Variants in AFG1L observed in about 807,000 individuals in gnomAD.
The protein encoded by AFG1L is AFG1-like ATPase.
In AFG1L, 53 loss-of-function variants were observed where a neutral mutation model predicts 62.2. The observed-to-expected ratio is 0.85, with a 90% confidence interval of 0.68 to 1.07. The LOEUF (loss-of-function observed/expected upper bound fraction) is 1.07, where lower values mean the gene tolerates loss of function less well. Ranked by LOEUF, AFG1L falls within the 50% of genes least tolerant of loss-of-function variation. The probability of loss-of-function intolerance (pLI) is 0.00; values close to 1 mark genes in which losing one functional copy is unlikely to be tolerated. For synonymous variants in AFG1L, 228 were observed against 210.3 expected (o/e 1.08, Z -0.73); for missense variants, 555 against 590.5 (o/e 0.94, Z 0.62).
intron 1 of AFG1L, among the ~76,000 whole-genome samples, chr6:108,321,469 T>G (rs1777810126): frequency 6.6e-6 from 1 of 152,182 alleles, no homozygotes; most frequent in South Asian, 2.1e-4. Flanking sequence ...GTTCCAACCT[T>G]CTACCCACTT....
intron 1 of AFG1L, among the ~76,000 whole-genome samples, chr6:108,300,024 T>C (rs1776917940): frequency 6.6e-6 from 1 of 152,230 alleles, no homozygotes; most frequent in Admixed American, 6.5e-5. Context: ...GATCACATCT[T>C]ATGATTTCTT....
At chr6:108,384,981 A>T (rs552520080) in intron 6 of AFG1L, among the ~76,000 whole-genome samples, 5 of 152,306 alleles carry the variant, frequency 3.3e-5, no homozygotes, top group African/African-American at 9.6e-5. Context: ...ATCCCAGAAG[A>T]CAAAGAGGAG....
At chr6:108,513,389 C>A (rs1774743266) in intron 11 of AFG1L, among the ~76,000 whole-genome samples, 1 of 152,164 alleles carries the variant, frequency 6.6e-6, no homozygotes, top group Non-Finnish European at 1.5e-5. Context: ...ACAGATGGCA[C>A]CTGGAAAATC....
intron 6 of AFG1L, among the ~76,000 whole-genome samples, chr6:108,389,715 C>T (rs1328222506): frequency 7.2e-5 from 11 of 152,162 alleles, no homozygotes; most frequent in Admixed American, 2.0e-4. Context: ...CCCCACTCTC[C>T]TCTGGCTTGT....
intron 10 of AFG1L, among the ~76,000 whole-genome samples, chr6:108,505,929 G>A (rs1415649024): frequency 6.6e-6 from 1 of 152,216 alleles, no homozygotes; most frequent in Non-Finnish European, 1.5e-5. Flanking sequence ...AGATGTACTT[G>A]ATATTGTCTG....
rs1015901484 is a variant in AFG1L, at chr6:108,295,146, T to C, written c.67T>C (p.Cys23Arg). 9 of 1,610,302 alleles carry C rather than the reference T, an allele frequency of 5.6e-6. No homozygotes were observed. Among genetic ancestry groups the C allele is most frequent in the Non-Finnish European group, 7.6e-6 (9 of 1,179,916 alleles). ...PLAQSPLRGR[C>R]VGCGAWAAAL... ...AGCACAGAGCCCGCTGAGAGGGAGA[T>C]GTGTTGGGTGCGGGGCCTGGGCCGC... The change falls in exon 1 of 13, where the codon TGT becomes CGT. Residue 23 changes from cysteine (C) to arginine (R), a missense_variant. Coordinates refer to ENST00000368977, the MANE Select transcript of AFG1L (RefSeq NM_145315.5).
chr6:108,387,274 G>A (rs1280850062), intron 6 of AFG1L, among the ~76,000 whole-genome samples: 3 of 152,230 alleles, frequency 2.0e-5, no homozygotes, highest in African/African-American at 7.2e-5. Context: ...AGCTTCCCAG[G>A]GTGGCTTCCC....
At chr6:108,447,365 G>A in intron 8 of AFG1L, 69 bp downstream of exon 8, 1 of 954,024 alleles carries the variant, frequency 1.0e-6, no homozygotes, top group Admixed American at 2.1e-5. Context: ...AAAATAAGCA[G>A]TTTAATTATT....
intron 2 of AFG1L, among the ~76,000 whole-genome samples, chr6:108,335,246 C>T (rs572179379): frequency 6.7e-6 from 1 of 150,016 alleles, no homozygotes; most frequent in Non-Finnish European, 1.5e-5. Flanking sequence ...GTTGGGATTA[C>T]AGGTGTGAGC....
intron 2 of AFG1L, among the ~76,000 whole-genome samples, chr6:108,332,473 G>A (rs1778311119): frequency 6.6e-6 from 1 of 152,174 alleles, no homozygotes; most frequent in South Asian, 2.1e-4. Context: ...AATTAGCATG[G>A]GATCATTGGT....
intron 7 of AFG1L, among the ~76,000 whole-genome samples, chr6:108,423,164 G>A (rs887196187): frequency 6.6e-6 from 1 of 152,060 alleles, no homozygotes; most frequent in African/African-American, 2.4e-5. Context: ...GGTTAGAAAG[G>A]TTGATGAAGT....
chr6:108,353,102 T>G (rs573508102), intron 3 of AFG1L, among the ~76,000 whole-genome samples: 4 of 152,226 alleles, frequency 2.6e-5, no homozygotes, highest in African/African-American at 9.6e-5. Context: ...GGTTGTTTTG[T>G]GCATATACTC....
At chr6:108,435,900 GGTTT>G (rs1160051504) in intron 7 of AFG1L, among the ~76,000 whole-genome samples, 1 of 152,098 alleles carries the variant, frequency 6.6e-6, no homozygotes, top group African/African-American at 2.4e-5. Flanking sequence ...GTCTGCTAAT[GGTTT>G]GTTCAGTTAA....
chr6:108,472,066 T>C (rs1222945095), intron 8 of AFG1L, among the ~76,000 whole-genome samples: 1 of 152,212 alleles, frequency 6.6e-6, no homozygotes, highest in East Asian at 1.9e-4. Context: ...GAGGACATTA[T>C]ATTAAGTAAA....
rs1562457272 is a variant in AFG1L, at chr6:108,295,074, T to C, written c.-6T>C. 6.2e-7 allele frequency: 1 copy of C among 1,610,580 alleles called. No homozygotes were observed. The highest frequency in any genetic ancestry group is 8.5e-7 in the Non-Finnish European group (1 of 1,179,948). On this transcript the variant is annotated 5_prime_UTR_variant, in exon 1 of 13. Transcript: ENST00000368977. ...TTCCTCTTCCTCTCCTCGTACGGAG[T>C]TCAAGATGGCGGCCTCCTGGTCGCT... is the stretch of plus-strand genomic sequence containing the variant.
At chr6:108,314,274 A>G (rs1353158282) in intron 1 of AFG1L, among the ~76,000 whole-genome samples, 3 of 152,140 alleles carry the variant, frequency 2.0e-5, no homozygotes, top group Admixed American at 1.3e-4. Context: ...CACATACTAT[A>G]TAATTCACAC....
intron 1 of AFG1L, among the ~76,000 whole-genome samples, chr6:108,314,508 T>C (rs1218445949): frequency 1.3e-5 from 2 of 151,720 alleles, no homozygotes; most frequent in African/African-American, 4.8e-5. Flanking sequence ...GCAGTTCTCC[T>C]ACCTCAGCCT....
At chr6:108,443,724 A>C (rs1582595593) in intron 7 of AFG1L, among the ~76,000 whole-genome samples, 1 of 151,882 alleles carries the variant, frequency 6.6e-6, no homozygotes, top group African/African-American at 2.4e-5. Flanking sequence ...AAAATACAAA[A>C]ATTACCGGGG....
chr6:108,355,553 C>T (rs769881096), intron 3 of AFG1L, 101 bp from the exon 4 acceptor site: 19 of 555,334 alleles, frequency 3.4e-5, no homozygotes, highest in South Asian at 1.7e-4. Flanking sequence ...AGCTTCCTAG[C>T]GGAAGAGTAT....
Sources: allele counts gnomAD v4.1 joint callset (sites outside exome capture counted in the v4.1 genomes callset), GRCh38; gene constraint gnomAD v4.1.1; transcripts MANE v1.5; gene names NCBI Gene and HGNC (gene_info 2026-07-23, HGNC 2026-07-21).